NRP1: variants seen among roughly 807,000 people sequenced by gnomAD.
NRP1 encodes neuropilin-1.
Under a neutral mutation model 106.7 loss-of-function variants are expected in NRP1, and 35 were observed. The ratio of observed to expected loss-of-function variants is 0.33; its 90% CI spans 0.25 to 0.43. The LOEUF (loss-of-function observed/expected upper bound fraction) is 0.43, where lower values mean the gene tolerates loss of function less well. Among genes scored for constraint, NRP1 ranks in the 20% least tolerant of loss-of-function variants. The pLI is 1.00. For missense variants in NRP1, 1,024 were observed against 1,170.4 expected (o/e 0.87, Z 1.83); for synonymous variants, 437 against 417.9 (o/e 1.05, Z -0.56).
At chr10:33,197,549 C>G in intron 12 of NRP1, 101 bp downstream of exon 12, 1 of 831,890 alleles carries the variant, frequency 1.2e-6, no homozygotes, top group Non-Finnish European at 1.9e-6. Flanking sequence ...TGTGTGGCAT[C>G]TCTCCTTCTA....
intron 9 of NRP1, among the ~76,000 whole-genome samples, chr10:33,208,737 C>T (rs980139930): frequency 6.6e-6 from 1 of 152,048 alleles, no homozygotes; most frequent in Non-Finnish European, 1.5e-5. Context: ...ATTTAATCCT[C>T]AGAACAACTC....
chr10:33,329,591 T>C (rs1257986363), intron 2 of NRP1, among the ~76,000 whole-genome samples: 2 of 152,254 alleles, frequency 1.3e-5, no homozygotes, highest in African/African-American at 2.4e-5. Flanking sequence ...AGATATCATA[T>C]ACGGTTACAC....
chr10:33,243,508 A>AT, intron 6 of NRP1, among the ~76,000 whole-genome samples: 1 of 152,314 alleles, frequency 6.6e-6, no homozygotes, highest in East Asian at 1.9e-4. Flanking sequence ...TTATTTATTT[A>AT]TTTTTCTAGA....
At chr10:33,264,729 G>A (rs571533507) in intron 3 of NRP1, among the ~76,000 whole-genome samples, 1 of 152,260 alleles carries the variant, frequency 6.6e-6, no homozygotes, top group African/African-American at 2.4e-5. Flanking sequence ...TATAGTGCAG[G>A]TTGACCTTAT....
At chr10:33,198,125 C>T (rs11009279) in intron 11 of NRP1, among the ~76,000 whole-genome samples, 19 of 112,174 alleles carry the variant, frequency 1.7e-4, no homozygotes, top group Admixed American at 3.6e-4. Flanking sequence ...TAGCAATTTT[C>T]TTTTTTTTAA....
At chr10:33,210,234 G>C (rs1216345928) in intron 9 of NRP1, among the ~76,000 whole-genome samples, 1 of 150,392 alleles carries the variant, frequency 6.6e-6, no homozygotes, top group Non-Finnish European at 1.5e-5. Context: ...TCGGGGTTCT[G>C]CACTTTTATA....
intron 2 of NRP1, among the ~76,000 whole-genome samples, chr10:33,322,399 A>G (rs942937384): frequency 5.3e-5 from 8 of 152,106 alleles, no homozygotes; most frequent in African/African-American, 1.9e-4. Flanking sequence ...AAACTGAAGG[A>G]TAGAGTCTCG....
At chr10:33,306,891 G>T (rs867405748) in intron 2 of NRP1, among the ~76,000 whole-genome samples, 1 of 152,194 alleles carries the variant, frequency 6.6e-6, no homozygotes, top group South Asian at 2.1e-4. Context: ...TTGCAAACAT[G>T]GTTGTGATTA....
At chr10:33,288,888 G>A (rs1170541882) in intron 2 of NRP1, among the ~76,000 whole-genome samples, 1 of 152,180 alleles carries the variant, frequency 6.6e-6, no homozygotes, top group South Asian at 2.1e-4. Context: ...GTTTTTAGGG[G>A]GGTCTTGTGT....
At chr10:33,239,837 C>T (rs1033261340) in intron 6 of NRP1, among the ~76,000 whole-genome samples, 2 of 152,156 alleles carry the variant, frequency 1.3e-5, no homozygotes, top group African/African-American at 2.4e-5. Context: ...GCAAGCATGA[C>T]GTCCACAGGA....
intron 12 of NRP1, chr10:33,194,648 G>C (rs904293141): frequency 2.1e-6 from 1 of 472,826 alleles, no homozygotes; most frequent in African/African-American, 2.0e-5. Flanking sequence ...GTATTTTACT[G>C]CTCTTTTATC....
chr10:33,268,717 A>C (rs1465473784), intron 3 of NRP1, among the ~76,000 whole-genome samples: 1 of 152,226 alleles, frequency 6.6e-6, no homozygotes, highest in Non-Finnish European at 1.5e-5. Context: ...ACAGGTAAGC[A>C]AGCAGGTGTA....
intron 2 of NRP1, among the ~76,000 whole-genome samples, chr10:33,278,708 A>G (rs1843891780): frequency 6.6e-6 from 1 of 152,222 alleles, no homozygotes; most frequent in Non-Finnish European, 1.5e-5. Context: ...GATTCAGTTT[A>G]GGAAAGTTTT....
At chr10:33,209,854 A>G (rs1361852703) in intron 9 of NRP1, among the ~76,000 whole-genome samples, 1 of 152,238 alleles carries the variant, frequency 6.6e-6, no homozygotes, top group Non-Finnish European at 1.5e-5. Context: ...TAGTTTCATT[A>G]ATTTGTCTTT....
At position 33,186,495 on chromosome 10, in the gene NRP1, T is replaced by C. The variant is rs1267229165; in HGVS notation, c.2063-7A>G. Reference sequence around the variant, plus strand: ...TAGATGAAGTTGCCATCTCCTGCTGTGACAAAGAACTGTGTTAGGGAGAGT... The same window carrying C: ...TAGATGAAGTTGCCATCTCCTGCTGCGACAAAGAACTGTGTTAGGGAGAGT... On this transcript the variant is annotated splice_polypyrimidine_tract_variant and splice_region_variant and intron_variant, in intron 13 of 16. Coordinates refer to ENST00000374867, the MANE Select transcript of NRP1 (RefSeq NM_003873.7). 6.2e-7 allele frequency: 1 copy of C among 1,606,176 alleles called. No homozygotes were observed. Among genetic ancestry groups the C allele is most frequent in the African/African-American group, 1.3e-5 (1 of 74,870 alleles).
chr10:33,213,500 A>G lies in NRP1; in HGVS notation c.1500T>C (p.Ile500=). ...GEEKIVRGII[I]QGGKHRENKV... is the part of the protein sequence containing the mutation. ...TGTTCTCTCGGTGCTTCCCACCCTG[A>G]ATGATGATGCCCCTCACGATCTTCT... Residue 500 remains isoleucine, a synonymous_variant, in exon 9 of 17, where the codon ATT becomes ATC. Transcript: ENST00000374867. The G allele has an allele frequency of 6.2e-7, 1 of 1,613,680 alleles. No individual in the cohort carries two copies. Among genetic ancestry groups the G allele is most frequent in the East Asian group, 2.2e-5 (1 of 44,838 alleles).
intron 12 of NRP1, among the ~76,000 whole-genome samples, chr10:33,193,408 A>C (rs2132636261): frequency 6.6e-6 from 1 of 152,344 alleles, no homozygotes; most frequent in Middle Eastern, 3.4e-3. Flanking sequence ...TAAAGATGAA[A>C]TTCTCGGGCT....
chr10:33,233,283 C>T (rs769552557), intron 6 of NRP1, among the ~76,000 whole-genome samples: 17 of 152,298 alleles, frequency 1.1e-4, no homozygotes, highest in South Asian at 2.1e-4. Flanking sequence ...TGGGTTCTAC[C>T]ATGCTCCCAA....
At chr10:33,316,118 T>A (rs1847017508) in intron 2 of NRP1, among the ~76,000 whole-genome samples, 1 of 152,198 alleles carries the variant, frequency 6.6e-6, no homozygotes, top group African/African-American at 2.4e-5. Context: ...GAACTCTAAA[T>A]GCTTCTGAGC....
Sources: allele counts gnomAD v4.1 joint callset (sites outside exome capture counted in the v4.1 genomes callset), GRCh38; gene constraint gnomAD v4.1.1; transcripts MANE v1.5; gene names NCBI Gene and HGNC (gene_info 2026-07-23, HGNC 2026-07-21).